The following SNAP91 variants were observed in gnomAD, a reference collection of about 807,000 sequenced individuals.
The protein encoded by SNAP91 is synaptosome associated protein 91.
SNAP91 carries 27 observed loss-of-function variants against 100.3 expected under a neutral mutation model. That is an observed-to-expected ratio of 0.27 (90% CI 0.20 to 0.37). The LOEUF (loss-of-function observed/expected upper bound fraction) is 0.37, where lower values mean the gene tolerates loss of function less well. SNAP91 is among the 10% of genes least tolerant of loss of function. The pLI, the probability that SNAP91 is intolerant of heterozygous loss-of-function variation, is 1.00. For synonymous variants in SNAP91, 404 were observed against 398.6 expected (o/e 1.01, Z -0.16); for missense variants, 986 against 1,123.7 (o/e 0.88, Z 1.75).
At chr6:83,558,805 T>G (rs1303648380) in intron 28 of SNAP91, among the ~76,000 whole-genome samples, 1 of 152,192 alleles carries the variant, frequency 6.6e-6, no homozygotes, top group Non-Finnish European at 1.5e-5. Flanking sequence ...AAGTAGTAAT[T>G]TGGTGTCCTG....
intron 16 of SNAP91, among the ~76,000 whole-genome samples, chr6:83,598,129 G>A (rs2094697465): frequency 6.6e-6 from 1 of 152,118 alleles, no homozygotes; most frequent in Non-Finnish European, 1.5e-5. Flanking sequence ...TCAAATCAAT[G>A]TGCTATTGTC....
At chr6:83,657,484 T>C (rs1288925632) in intron 6 of SNAP91, among the ~76,000 whole-genome samples, 1 of 152,036 alleles carries the variant, frequency 6.6e-6, no homozygotes, top group Admixed American at 6.6e-5. Context: ...AAAAAGAAAA[T>C]AAAAGCTAAA....
Position 83,553,642 on chromosome 6 carries a change from T to C in SNAP91, c.*654A>G, listed in dbSNP as rs946015061. On this transcript the variant is annotated 3_prime_UTR_variant, in exon 30 of 30. Transcript: ENST00000369694. ...AATAGGGGATTCTTCCCATACGATT[T>C]TTCGTTCTTGATAAGGTAGCTTCAA... is the stretch of plus-strand genomic sequence containing the variant. 12 of 152,082 alleles carry C rather than the reference T, an allele frequency of 7.9e-5. No homozygotes were observed. Among genetic ancestry groups the C allele is most frequent in the African/African-American group, 2.9e-4 (12 of 41,436 alleles). The allele number at this position is 152,082 out of a possible 1,614,324, so 9.4% of individuals were successfully genotyped here. A position where few individuals can be genotyped will look rare whatever the true frequency, so the allele number is the denominator to read the frequency against.
At chr6:83,692,561 C>T (rs960284964) in intron 2 of SNAP91, among the ~76,000 whole-genome samples, 8 of 151,748 alleles carry the variant, frequency 5.3e-5, no homozygotes, top group Non-Finnish European at 1.0e-4. Context: ...CCCCATGATG[C>T]CTTATAAAAG....
intron 22 of SNAP91, among the ~76,000 whole-genome samples, chr6:83,589,192 T>C (rs1167661725): frequency 1.3e-5 from 2 of 152,166 alleles, no homozygotes; most frequent in Non-Finnish European, 2.9e-5. Context: ...ATGAAGTTTA[T>C]TGGTTTAGTA....
intron 2 of SNAP91, among the ~76,000 whole-genome samples, chr6:83,675,010 C>T (rs551914317): frequency 3.3e-4 from 50 of 152,196 alleles, no homozygotes; most frequent in African/African-American, 1.1e-3. Flanking sequence ...AATGAAACGA[C>T]CTACTGACGG....
At chr6:83,699,032 G>C (rs2099258490) in intron 2 of SNAP91, among the ~76,000 whole-genome samples, 1 of 152,114 alleles carries the variant, frequency 6.6e-6, no homozygotes, top group Non-Finnish European at 1.5e-5. Context: ...GCACTGGATG[G>C]GAAGCTCCAA....
At chr6:83,644,491 A>C (rs1474540510) in intron 7 of SNAP91, among the ~76,000 whole-genome samples, 1 of 152,204 alleles carries the variant, frequency 6.6e-6, no homozygotes, top group Non-Finnish European at 1.5e-5. Context: ...TTTCTTTCAC[A>C]GTAAAGGTAA....
chr6:83,565,531 G>A (rs1795314019), intron 26 of SNAP91, among the ~76,000 whole-genome samples: 2 of 152,120 alleles, frequency 1.3e-5, no homozygotes, highest in Admixed American at 6.5e-5. Context: ...CATGATGCAT[G>A]TGCTAATAAC....
At chr6:83,667,320 A>G (rs2098704535) in intron 2 of SNAP91, among the ~76,000 whole-genome samples, 1 of 152,086 alleles carries the variant, frequency 6.6e-6, no homozygotes, top group African/African-American at 2.4e-5. Flanking sequence ...AAAGGTTATT[A>G]AAACAGTTCT....
intron 28 of SNAP91, 77 bp downstream of exon 28, chr6:83,560,027 T>C: frequency 2.3e-6 from 3 of 1,277,244 alleles, no homozygotes; most frequent in Non-Finnish European, 3.4e-6. Context: ...TAAAAACACT[T>C]TTTAAACAGT....
At chr6:83,652,903 A>G (rs1332901321) in intron 7 of SNAP91, among the ~76,000 whole-genome samples, 1 of 152,168 alleles carries the variant, frequency 6.6e-6, no homozygotes, top group Non-Finnish European at 1.5e-5. Context: ...AGCACTAAAC[A>G]TTTCACTCCA....
chr6:83,641,957 A>G (rs2097721464), intron 7 of SNAP91, among the ~76,000 whole-genome samples: 1 of 152,264 alleles, frequency 6.6e-6, no homozygotes, highest in Non-Finnish European at 1.5e-5. Flanking sequence ...TTTTCCATAC[A>G]TGCTTTGAAG....
rs557473114 is a variant in SNAP91, at chr6:83,698,513, T to TA, written c.130+9284dup. Among the ~76,000 whole-genome samples, 13 of 152,046 alleles carry TA rather than the reference T, an allele frequency of 8.6e-5. No individual in the cohort carries two copies. The East Asian group carries it at 2.1e-3, about 25-fold the overall frequency. On this transcript the variant is annotated intron_variant, in intron 2 of 29. Coordinates refer to ENST00000369694, the MANE Select transcript of SNAP91 (RefSeq NM_001242792.2). Reference sequence around the variant, plus strand: ...TGACTAGTTGGAACTAAGACCACCATATAAAGCTAGGATCCTCAAAGGGTT... The same window carrying TA: ...TGACTAGTTGGAACTAAGACCACCATAATAAAGCTAGGATCCTCAAAGGGTT...
intron 7 of SNAP91, among the ~76,000 whole-genome samples, chr6:83,649,574 T>TTTTG (rs953031404): frequency 1.2e-4 from 19 of 152,138 alleles, no homozygotes; most frequent in Non-Finnish European, 2.1e-4. Context: ...TTCATACCTT[T>TTTTG]TTTGTTTGTT....
At chr6:83,682,177 T>C (rs891531351) in intron 2 of SNAP91, among the ~76,000 whole-genome samples, 5 of 149,714 alleles carry the variant, frequency 3.3e-5, no homozygotes, top group Non-Finnish European at 5.9e-5. Flanking sequence ...TAATTCTTTT[T>C]TTTTTTTTTT....
At chr6:83,632,884 G>A (rs1562435099) in intron 8 of SNAP91, among the ~76,000 whole-genome samples, 1 of 152,154 alleles carries the variant, frequency 6.6e-6, no homozygotes, top group Admixed American at 6.5e-5. Context: ...TCTTTATCAG[G>A]TAAATCAGGG....
intron 18 of SNAP91, 22 bp downstream of exon 18, chr6:83,593,456 G>A (rs775522224): frequency 3.7e-5 from 57 of 1,547,816 alleles, no homozygotes; most frequent in East Asian, 7.3e-5. Context: ...GAAAGAGGTC[G>A]ACAACAATAA....
At chr6:83,654,049 C>T (rs2098313350) in intron 7 of SNAP91, among the ~76,000 whole-genome samples, 1 of 152,132 alleles carries the variant, frequency 6.6e-6, no homozygotes, top group Admixed American at 6.5e-5. Context: ...AGATTTTTCC[C>T]TAATATTTAC....
Sources: allele counts gnomAD v4.1 joint callset (sites outside exome capture counted in the v4.1 genomes callset), GRCh38; gene constraint gnomAD v4.1.1; transcripts MANE v1.5; gene names NCBI Gene and HGNC (gene_info 2026-07-23, HGNC 2026-07-21).